The following KLF12 variants were observed in gnomAD, a reference collection of about 807,000 sequenced individuals.
KLF12 encodes the protein Krueppel-like factor 12.
A neutral mutation model predicts 37.8 loss-of-function variants in KLF12; 9 were observed. The ratio of observed to expected loss-of-function variants is 0.24; its 90% confidence interval spans 0.14 to 0.42. The LOEUF (loss-of-function observed/expected upper bound fraction) is 0.42. Among genes scored for constraint, KLF12 ranks in the 10% least tolerant of loss-of-function variants. The pLI, the probability that KLF12 is intolerant of heterozygous loss-of-function variation, is 1.00. For synonymous variants in KLF12, 208 were observed against 202.1 expected (o/e 1.03, Z -0.25); for missense variants, 411 against 516.0 (o/e 0.80, Z 1.97).
the KLF12 span, among the ~76,000 whole-genome samples, chr13:74,214,812 T>G: frequency 6.6e-6 from 1 of 152,158 alleles, no homozygotes; most frequent in Non-Finnish European, 1.5e-5. Flanking sequence ...ATTTTTTTTT[T>G]GAGATGGAGT....
intron 4 of KLF12, chr13:73,844,658 C>G (rs1255128428): frequency 1.3e-5 from 2 of 152,080 alleles, no homozygotes; most frequent in Non-Finnish European, 2.9e-5. Context: ...TAATTCATAC[C>G]TGCAAAAATT....
chr13:73,833,762 G>A (rs1455937910), intron 4 of KLF12, among the ~76,000 whole-genome samples: 1 of 152,166 alleles, frequency 6.6e-6, no homozygotes, highest in Non-Finnish European at 1.5e-5. Context: ...TGGGACGTGA[G>A]ATGTATTTGG....
At chr13:73,766,300 C>T (rs761180391) in intron 5 of KLF12, among the ~76,000 whole-genome samples, 13 of 152,118 alleles carry the variant, frequency 8.5e-5, no homozygotes, top group African/African-American at 1.2e-4. Flanking sequence ...CTGTTGGTCT[C>T]GGCGTCCAGC....
At chr13:73,801,549 C>T (rs1463004244) in intron 5 of KLF12, 1 of 152,014 alleles carries the variant, frequency 6.6e-6, no homozygotes, top group African/African-American at 2.4e-5. Context: ...ACTAGTTACA[C>T]CCATTAGAAA....
the KLF12 span, among the ~76,000 whole-genome samples, chr13:74,276,088 C>T: frequency 2.0e-5 from 3 of 151,568 alleles, no homozygotes; most frequent in Admixed American, 6.6e-5. Context: ...TTTTAAGCCC[C>T]GCATGGATTA....
chr13:73,823,591 T>C (rs1883659515), intron 4 of KLF12, among the ~76,000 whole-genome samples: 1 of 152,210 alleles, frequency 6.6e-6, no homozygotes, highest in Non-Finnish European at 1.5e-5. Context: ...AGAGTAGACG[T>C]TCTTGAAGAT....
At chr13:73,934,407 C>T (rs1889830880) in intron 3 of KLF12, among the ~76,000 whole-genome samples, 2 of 152,200 alleles carry the variant, frequency 1.3e-5, no homozygotes, top group South Asian at 4.1e-4. Flanking sequence ...CGAACTCCAC[C>T]ATGCATTGTT....
intron 1 of KLF12, among the ~76,000 whole-genome samples, chr13:74,087,859 GCT>G (rs1405103775): frequency 1.3e-5 from 2 of 151,992 alleles, no homozygotes; most frequent in Non-Finnish European, 2.9e-5. Flanking sequence ...CCAGAACTGG[GCT>G]ATCAAAGAAG....
the KLF12 span, among the ~76,000 whole-genome samples, chr13:74,275,351 T>G: frequency 6.6e-6 from 1 of 152,226 alleles, no homozygotes; most frequent in African/African-American, 2.4e-5. Flanking sequence ...TTTAAGCAAA[T>G]AAGTCATGTG....
At chr13:74,145,099 A>G in the KLF12 span, among the ~76,000 whole-genome samples, 1 of 152,266 alleles carries the variant, frequency 6.6e-6, no homozygotes, top group East Asian at 1.9e-4. Context: ...AAAACAGTTC[A>G]TGGAATTTAA....
chr13:74,072,364 AATAT>A (rs773653636), intron 1 of KLF12, among the ~76,000 whole-genome samples: 6,420 of 62,878 alleles, frequency 0.1, 295 homozygotes, highest in Non-Finnish European at 0.14. Context: ...AAGAAATACA[AATAT>A]ATATATATAT....
chr13:74,168,935 A>T, the KLF12 span, among the ~76,000 whole-genome samples: 2 of 152,208 alleles, frequency 1.3e-5, no homozygotes, highest in Admixed American at 6.5e-5. Context: ...ATATTTGTGG[A>T]GTATTGTTGC....
At chr13:73,748,268 T>C (rs1187449579) in intron 6 of KLF12, among the ~76,000 whole-genome samples, 1 of 152,158 alleles carries the variant, frequency 6.6e-6, no homozygotes, top group East Asian at 1.9e-4. Context: ...ATATCAGAAG[T>C]TGGTATTTTA....
At chr13:73,894,458 T>G (rs1186785306) in intron 3 of KLF12, among the ~76,000 whole-genome samples, 1 of 152,188 alleles carries the variant, frequency 6.6e-6, no homozygotes, top group Non-Finnish European at 1.5e-5. Context: ...AAAATTTCTC[T>G]CCAGGTAATT....
At chr13:74,115,372 G>C (rs1877233277) in intron 1 of KLF12, among the ~76,000 whole-genome samples, 1 of 152,096 alleles carries the variant, frequency 6.6e-6, no homozygotes, top group Admixed American at 6.5e-5. Context: ...TGTAGAGAAG[G>C]GGAAAAGCAA....
intron 3 of KLF12, among the ~76,000 whole-genome samples, chr13:73,934,026 T>G (rs1889807764): frequency 6.6e-6 from 1 of 152,192 alleles, no homozygotes; most frequent in Non-Finnish European, 1.5e-5. Context: ...ACCTGGCAAC[T>G]TCATTCTACT....
intron 3 of KLF12, among the ~76,000 whole-genome samples, chr13:73,870,291 T>G (rs892739543): frequency 6.6e-6 from 1 of 152,324 alleles, no homozygotes; most frequent in Non-Finnish European, 1.5e-5. Flanking sequence ...TGTCAGCAAG[T>G]TGAAGATTTA....
chr13:74,160,285 A>T, the KLF12 span, among the ~76,000 whole-genome samples: 3 of 152,152 alleles, frequency 2.0e-5, no homozygotes, highest in African/African-American at 4.8e-5. Flanking sequence ...ACCCATGGAG[A>T]CCTCATTGAT....
At chr13:74,268,475 T>A in the KLF12 span, among the ~76,000 whole-genome samples, 1 of 152,204 alleles carries the variant, frequency 6.6e-6, no homozygotes, top group Non-Finnish European at 1.5e-5. Context: ...GTGAGTGAAA[T>A]CAGGTAATAT....
Sources: allele counts gnomAD v4.1 joint callset (sites outside exome capture counted in the v4.1 genomes callset), GRCh38; gene constraint gnomAD v4.1.1; transcripts MANE v1.5; gene names NCBI Gene and HGNC (gene_info 2026-07-23, HGNC 2026-07-21).